The following TNFSF4 variants were observed in gnomAD, a reference collection of about 807,000 sequenced individuals.
TNFSF4 encodes TNF superfamily member 4, also known as tumor necrosis factor ligand superfamily member 4.
A neutral mutation model predicts 7.3 loss-of-function variants in TNFSF4; 4 were observed. The ratio of observed to expected loss-of-function variants is 0.55; its 90% confidence interval spans 0.27 to 1.25. The LOEUF (loss-of-function observed/expected upper bound fraction) is 1.25. TNFSF4 is among the 50% of genes most tolerant of loss of function. The probability of loss-of-function intolerance (pLI) is 0.12; values close to 1 mark genes in which losing one functional copy is unlikely to be tolerated. For missense variants in TNFSF4, 181 were observed against 208.8 expected, an observed-to-expected ratio of 0.87 and a Z score of 0.82; for synonymous variants, 76 against 83.7, an observed-to-expected ratio of 0.91 and a Z score of 0.50.
At chr1:173,280,157 C>G in the TNFSF4 span, among the ~76,000 whole-genome samples, 6 of 152,092 alleles carry the variant, frequency 3.9e-5, no homozygotes, top group African/African-American at 1.4e-4. Context: ...CCTGTACACT[C>G]TTTTCATAAT....
the TNFSF4 span, among the ~76,000 whole-genome samples, chr1:173,329,827 A>G: frequency 6.6e-6 from 1 of 152,056 alleles, no homozygotes; most frequent in Admixed American, 6.6e-5. Context: ...CTCAACCACA[A>G]AAAAAGAAAA....
the TNFSF4 span, among the ~76,000 whole-genome samples, chr1:173,214,949 A>T: frequency 6.6e-6 from 1 of 151,998 alleles, no homozygotes. Flanking sequence ...GTACCAGACC[A>T]CTCAATTGCT....
At chr1:173,355,769 G>C in the TNFSF4 span, among the ~76,000 whole-genome samples, 1 of 152,168 alleles carries the variant, frequency 6.6e-6, no homozygotes, top group Admixed American at 6.5e-5. Flanking sequence ...ATGCATGCTG[G>C]GGTACAGATG....
upstream of TNFSF4, among the ~76,000 whole-genome samples, chr1:173,212,109 T>C (rs1650392098): frequency 6.6e-6 from 1 of 152,030 alleles, no homozygotes; most frequent in Non-Finnish European, 1.5e-5. Flanking sequence ...GAAAGCAAGA[T>C]ACAAGAGAGA....
At chr1:173,189,421 C>T (rs1649378080) in intron 1 of TNFSF4, among the ~76,000 whole-genome samples, 1 of 152,114 alleles carries the variant, frequency 6.6e-6, no homozygotes, top group Non-Finnish European at 1.5e-5. Context: ...TAAAAACTGT[C>T]CCAATCCTAC....
At chr1:173,318,656 T>C in the TNFSF4 span, among the ~76,000 whole-genome samples, 1 of 152,226 alleles carries the variant, frequency 6.6e-6, no homozygotes, top group African/African-American at 2.4e-5. Flanking sequence ...CTAGTTCTGG[T>C]AAGGGTAAGA....
chr1:173,204,362 T>C (rs571730941), intron 1 of TNFSF4, among the ~76,000 whole-genome samples: 1 of 152,266 alleles, frequency 6.6e-6, no homozygotes, highest in East Asian at 1.9e-4. Flanking sequence ...AGGGTCTAAC[T>C]TTTTTTCTAG....
the TNFSF4 span, among the ~76,000 whole-genome samples, chr1:173,319,520 G>C: frequency 6.6e-6 from 1 of 152,214 alleles, no homozygotes; most frequent in Non-Finnish European, 1.5e-5. Context: ...GGGACAGACT[G>C]CCTCCTCAAG....
the TNFSF4 span, among the ~76,000 whole-genome samples, chr1:173,242,576 A>T: frequency 1.3e-5 from 2 of 152,354 alleles, no homozygotes; most frequent in Middle Eastern, 3.4e-3. Flanking sequence ...TTTTGCAAGC[A>T]TGATTAAATT....
chr1:173,282,800 C>G, the TNFSF4 span, among the ~76,000 whole-genome samples: 6 of 152,134 alleles, frequency 3.9e-5, no homozygotes, highest in Admixed American at 6.6e-5. Context: ...TTAGCTTAAA[C>G]ATGTGATGAC....
the TNFSF4 span, among the ~76,000 whole-genome samples, chr1:173,317,919 T>C: frequency 6.6e-6 from 1 of 152,178 alleles, no homozygotes; most frequent in Admixed American, 6.5e-5. Flanking sequence ...CCACCATCAG[T>C]ACGAATTATA....
the TNFSF4 span, among the ~76,000 whole-genome samples, chr1:173,390,762 T>C: frequency 2.0e-5 from 3 of 149,164 alleles, no homozygotes; most frequent in African/African-American, 7.4e-5. Flanking sequence ...TTTTTTTTTT[T>C]GAGATAGAGT....
chr1:173,345,728 G>A, the TNFSF4 span, among the ~76,000 whole-genome samples: 1 of 152,198 alleles, frequency 6.6e-6, no homozygotes, highest in Non-Finnish European at 1.5e-5. Flanking sequence ...ATCAAAAAGA[G>A]GACTTGGAGA....
rs780512670 is a variant in TNFSF4, at chr1:173,186,802, T to C, written c.266A>G (p.Gln89Arg). 9 of 1,613,352 alleles carry C rather than the reference T, an allele frequency of 5.6e-6. No homozygotes were observed. The South Asian group carries it at 6.6e-5, about 12-fold the overall frequency. ...SQKEDEIMKV[Q>R]NNSVIINCDG... Reference sequence around the variant, plus strand: ...ACAGTTGATGATGACTGAGTTGTTCTGCACCTTCATGATTTCATCCTCCTT... The same window carrying C: ...ACAGTTGATGATGACTGAGTTGTTCCGCACCTTCATGATTTCATCCTCCTT... The change falls in exon 3 of 3, where the codon CAG becomes CGG. Residue 89 changes from glutamine to arginine, a missense_variant. Gln to Arg is a conservative substitution (Grantham distance 43). Coordinates refer to ENST00000281834, the MANE Select transcript of TNFSF4 (RefSeq NM_003326.5).
the TNFSF4 span, among the ~76,000 whole-genome samples, chr1:173,222,850 G>A: frequency 6.6e-6 from 1 of 152,174 alleles, no homozygotes; most frequent in Non-Finnish European, 1.5e-5. Context: ...AGACCATGGT[G>A]AGACATGTAG....
the TNFSF4 span, among the ~76,000 whole-genome samples, chr1:173,177,995 T>C: frequency 9.2e-5 from 14 of 152,188 alleles, no homozygotes; most frequent in Admixed American, 7.9e-4. Context: ...ATAGAAAAAC[T>C]AGCCACCATT....
At chr1:173,447,805 TTATC>T in the TNFSF4 span, among the ~76,000 whole-genome samples, 11 of 152,188 alleles carry the variant, frequency 7.2e-5, no homozygotes, top group East Asian at 1.9e-3. Context: ...TAAATATAAA[TTATC>T]TAAGCACACC....
At chr1:173,384,980 A>G in the TNFSF4 span, among the ~76,000 whole-genome samples, 3 of 152,356 alleles carry the variant, frequency 2.0e-5, no homozygotes, top group Admixed American at 6.5e-5. Context: ...AGCATCATAA[A>G]TGATATAACT....
chr1:173,247,726 T>C, the TNFSF4 span, among the ~76,000 whole-genome samples: 2 of 152,202 alleles, frequency 1.3e-5, no homozygotes, highest in African/African-American at 4.8e-5. Context: ...AAAGTATAAG[T>C]TTATTTGAAA....
Sources: allele counts gnomAD v4.1 joint callset (sites outside exome capture counted in the v4.1 genomes callset), GRCh38; gene constraint gnomAD v4.1.1; transcripts MANE v1.5; gene names NCBI Gene and HGNC (gene_info 2026-07-23, HGNC 2026-07-21).